The following EPHA6 variants were observed in gnomAD, a reference collection of about 807,000 sequenced individuals.
EPHA6 encodes the protein EPH receptor A6, also known as ephrin type-A receptor 6.
EPHA6 carries 50 observed loss-of-function variants against 112.0 expected under a neutral mutation model. The ratio of observed to expected loss-of-function variants is 0.45; its 90% confidence interval spans 0.36 to 0.56. The LOEUF is 0.56. Ranked by LOEUF, EPHA6 falls within the 20% of genes least tolerant of loss-of-function variation. The pLI, the probability that EPHA6 is intolerant of heterozygous loss-of-function variation, is 0.00. For missense variants in EPHA6, 1,280 were observed against 1,417.4 expected, an observed-to-expected ratio of 0.90 and a Z score of 1.56; for synonymous variants, 529 against 490.7, an observed-to-expected ratio of 1.08 and a Z score of -1.03.
chr3:97,030,795 T>C lies in EPHA6; in HGVS notation c.1114+42802T>C, dbSNP rs560739389. Among the ~76,000 whole-genome samples, 12 of 152,186 alleles carry C rather than the reference T, an allele frequency of 7.9e-5. No homozygotes were observed. In the East Asian group the frequency reaches 2.3e-3, roughly 29 times the overall value. Reference sequence around the variant, plus strand: ...AAATTTATATCTACTATGAATATGATGTCTTAAGAATCATGTATACTATTT... The same window carrying C: ...AAATTTATATCTACTATGAATATGACGTCTTAAGAATCATGTATACTATTT... On this transcript the variant is annotated intron_variant, in intron 3 of 17. Transcript: ENST00000389672.
At chr3:97,412,943 T>G (rs1437678626) in intron 6 of EPHA6, among the ~76,000 whole-genome samples, 1 of 151,942 alleles carries the variant, frequency 6.6e-6, no homozygotes, top group Non-Finnish European at 1.5e-5. Flanking sequence ...TTTTAAGCAT[T>G]TGGGCTAATA....
intron 5 of EPHA6, among the ~76,000 whole-genome samples, chr3:97,399,922 C>T (rs2086895306): frequency 6.6e-6 from 1 of 151,434 alleles, no homozygotes; most frequent in South Asian, 2.1e-4. Flanking sequence ...CTTTGCTGTT[C>T]AGAAGCTTTT....
intron 3 of EPHA6, among the ~76,000 whole-genome samples, chr3:97,084,474 T>C (rs1328950540): frequency 6.6e-6 from 1 of 151,988 alleles, no homozygotes; most frequent in Non-Finnish European, 1.5e-5. Context: ...TTTTGCACAC[T>C]GCTCAAATTT....
rs146663845 is a variant in EPHA6 at position 97,189,954 on chromosome 3, T to C, written c.1115-36310T>C. ...AATCCCATGTAGATCTCCCTTCTAG[T>C]TGGTAACAGTGTATTGGAGATGGAT... On this transcript the variant is annotated intron_variant, in intron 3 of 17. Transcript: ENST00000389672. Among the ~76,000 whole-genome samples the C allele has an allele frequency of 5.0e-4, 75 of 149,930 alleles. No homozygotes were observed. In the East Asian group the frequency reaches 7.4e-3, roughly 15 times the overall value.
rs572129560 is a variant in EPHA6 at position 96,927,109 on chromosome 3, G to A, written c.450+60220G>A. Among the ~76,000 whole-genome samples, 650 of 152,282 alleles carry A rather than the reference G, an allele frequency of 4.3e-3. 5 individuals are homozygous for A. Among genetic ancestry groups the A allele is most frequent in the Non-Finnish European group, 4.0e-3 (269 of 68,030 alleles). On this transcript the variant is annotated intron_variant, in intron 2 of 17. Coordinates refer to ENST00000389672, the MANE Select transcript of EPHA6 (RefSeq NM_001080448.3). ...CTTAATTCTTGACTTTTGTGCACCCGTAGGCCTAACACCACATGTAAGCCG... is the reference window on the plus strand; with the variant it reads ...CTTAATTCTTGACTTTTGTGCACCCATAGGCCTAACACCACATGTAAGCCG...
chr3:96,930,427 T>C (rs1418764457), intron 2 of EPHA6, among the ~76,000 whole-genome samples: 1 of 152,236 alleles, frequency 6.6e-6, no homozygotes, highest in Non-Finnish European at 1.5e-5. Context: ...TATTTGTTTT[T>C]CTTTTAACAG....
chr3:96,963,443 C>T (rs2042016072), intron 2 of EPHA6, among the ~76,000 whole-genome samples: 1 of 152,072 alleles, frequency 6.6e-6, no homozygotes, highest in African/African-American at 2.4e-5. Context: ...TTCACCTTTC[C>T]AATATTGAGG....
intron 5 of EPHA6, among the ~76,000 whole-genome samples, chr3:97,345,029 C>T (rs913015726): frequency 1.5e-4 from 23 of 151,508 alleles, no homozygotes; most frequent in Non-Finnish European, 3.1e-4. Flanking sequence ...TGCTTAACTT[C>T]ACAGAAGTCA....
chr3:96,852,602 CAAAAAAA>C (rs562944142), intron 1 of EPHA6, among the ~76,000 whole-genome samples: 3 of 106,144 alleles, frequency 2.8e-5, no homozygotes, highest in African/African-American at 9.9e-5. Context: ...GTATCTTATC[CAAAAAAA>C]AAAAAAAAAA....
At chr3:97,129,091 T>A (rs1037339413) in intron 3 of EPHA6, among the ~76,000 whole-genome samples, 16 of 151,860 alleles carry the variant, frequency 1.1e-4, no homozygotes, top group African/African-American at 3.4e-4. Flanking sequence ...TCCAGGCTGG[T>A]TTAGAACTGC....
At chr3:97,539,739 A>G (rs1490839946) in intron 11 of EPHA6, among the ~76,000 whole-genome samples, 1 of 152,224 alleles carries the variant, frequency 6.6e-6, no homozygotes, top group Non-Finnish European at 1.5e-5. Context: ...GGATTGTGGT[A>G]TCTATAACAC....
At chr3:97,212,141 A>G (rs1405284607) in intron 3 of EPHA6, among the ~76,000 whole-genome samples, 1 of 152,178 alleles carries the variant, frequency 6.6e-6, no homozygotes. Flanking sequence ...TGGTCTACAC[A>G]AAATAGTGAA....
chr3:97,101,324 G>A (rs563763937), intron 3 of EPHA6, among the ~76,000 whole-genome samples: 1 of 152,160 alleles, frequency 6.6e-6, no homozygotes, highest in Non-Finnish European at 1.5e-5. Context: ...AAATGTCACT[G>A]ATAGGATGAA....
chr3:97,362,139 A>G (rs1189545713), intron 5 of EPHA6, among the ~76,000 whole-genome samples: 1 of 152,186 alleles, frequency 6.6e-6, no homozygotes, highest in East Asian at 1.9e-4. Context: ...ATTATGACAC[A>G]ATAAAATACT....
At chr3:96,991,963 A>G (rs2043233195) in intron 3 of EPHA6, among the ~76,000 whole-genome samples, 1 of 152,118 alleles carries the variant, frequency 6.6e-6, no homozygotes, top group African/African-American at 2.4e-5. Flanking sequence ...GCAGGGGCAG[A>G]GAATGTTTTC....
intron 14 of EPHA6, among the ~76,000 whole-genome samples, chr3:97,689,810 C>T (rs1158603949): frequency 6.6e-6 from 1 of 152,152 alleles, no homozygotes; most frequent in Non-Finnish European, 1.5e-5. Context: ...ATCCCCTTCC[C>T]GCTCTTTCCC....
intron 1 of EPHA6, among the ~76,000 whole-genome samples, chr3:96,834,979 C>T (rs2034315408): frequency 6.6e-6 from 1 of 151,974 alleles, no homozygotes; most frequent in Admixed American, 6.6e-5. Flanking sequence ...ATGTTTTAAG[C>T]AATTTAGTCT....
intron 3 of EPHA6, among the ~76,000 whole-genome samples, chr3:97,121,549 A>C (rs1219888267): frequency 6.6e-6 from 1 of 152,052 alleles, no homozygotes; most frequent in Non-Finnish European, 1.5e-5. Context: ...CAGATTCCAA[A>C]TACAAACTGT....
chr3:96,938,424 T>C (rs2040729090), intron 2 of EPHA6, among the ~76,000 whole-genome samples: 1 of 151,666 alleles, frequency 6.6e-6, no homozygotes, highest in Admixed American at 6.6e-5. Context: ...GTTGTTGGTG[T>C]ATAAGAATGC....
Sources: allele counts gnomAD v4.1 joint callset (sites outside exome capture counted in the v4.1 genomes callset), GRCh38; gene constraint gnomAD v4.1.1; transcripts MANE v1.5; gene names NCBI Gene and HGNC (gene_info 2026-07-23, HGNC 2026-07-21).